Variants in RBM10 observed in about 807,000 individuals in gnomAD.
RBM10 encodes the protein RNA binding motif protein 10.
A neutral mutation model predicts 84.9 loss-of-function variants in RBM10; 1 was observed. That is an observed-to-expected ratio of 0.01 (90% confidence interval 0.00 to 0.06). RBM10 has a LOEUF of 0.06. RBM10 is among the 10% of genes least tolerant of loss of function. RBM10 has a pLI of 1.00. For synonymous variants in RBM10, 326 were observed against 344.5 expected, an observed-to-expected ratio of 0.95 and a Z score of 0.60; for missense variants, 438 against 839.0, an observed-to-expected ratio of 0.52 and a Z score of 5.90.
chrX:47,176,483 T>G lies in RBM10; in HGVS notation c.577-17T>G, dbSNP rs2147155864. 1 of 1,211,247 alleles carries G rather than the reference T, an allele frequency of 8.3e-7. No homozygotes were observed. The highest frequency in any genetic ancestry group is 1.7e-5 in the African/African-American group (1 of 57,711). On this transcript the variant is annotated splice_polypyrimidine_tract_variant and intron_variant, in intron 6 of 23. Transcript: ENST00000377604. The stretch of plus-strand genomic sequence containing the variant: ...CACTGCTGCCTGGACCTCACTGTGC[T>G]CTGCTTTTTCCCGCAGCACTCCCTC...
At position 47,145,464 on chromosome X, in the gene RBM10, C is replaced by T. The variant is rs1932028305; in HGVS notation, c.-147C>T. ...CAGAGGTGATGTCTGGGAGCCCTTC[C>T]TTGACAGCCCGGGCCGAGAAGGTGA... On this transcript the variant is annotated 5_prime_UTR_variant, in exon 1 of 24. Coordinates refer to ENST00000377604, the MANE Select transcript of RBM10 (RefSeq NM_005676.5). 2 of 1,153,850 alleles carry T rather than the reference C, an allele frequency of 1.7e-6. No individual in the cohort carries two copies. The highest frequency in any genetic ancestry group is 2.3e-6 in the Non-Finnish European group (2 of 872,193).
At chrX:47,157,781 T>A in intron 2 of RBM10, 1 of 84,562 alleles carries the variant, frequency 1.2e-5, no homozygotes. Context: ...GCTGCATGAC[T>A]TTTTTTTTTT....
In RBM10 at chrX:47,147,518, C is replaced by T; in HGVS notation, c.17+20C>T. ...AAGACGGTGAGTTATCTGTTCTCAG[C>T]TTCCCAGACAGCCTAGGCTTGCGTC... On this transcript the variant is annotated intron_variant, in intron 2 of 23. Transcript: ENST00000377604. The T allele has an allele frequency of 8.3e-7, 1 of 1,209,444 alleles. No homozygotes were observed. Among genetic ancestry groups the T allele is most frequent in the Non-Finnish European group, 1.1e-6 (1 of 893,237 alleles).
chrX:47,163,284 G>A (rs1602530708), intron 2 of RBM10, among the ~76,000 whole-genome samples: 1 of 111,321 alleles, frequency 9.0e-6, no homozygotes, highest in African/African-American at 3.3e-5. Flanking sequence ...ATCAGAAAAA[G>A]GATATTAACG....
chrX:47,181,480 T>C, intron 13 of RBM10, 27 bp from the exon 14 acceptor site: 6 of 1,211,231 alleles, frequency 5.0e-6, no homozygotes, highest in Non-Finnish European at 6.7e-6. Context: ...TTCACAGGCA[T>C]TGTCCCTGCC....
rs1935551079 is a variant in RBM10 at position 47,181,656 on chromosome X, C to A, written c.1575+10C>A. 1 of 1,206,686 alleles carries A rather than the reference C, an allele frequency of 8.3e-7. No individual in the cohort carries two copies. The highest frequency in any genetic ancestry group is 1.8e-5 in the South Asian group (1 of 56,525). On this transcript the variant is annotated intron_variant, in intron 14 of 23. Coordinates refer to ENST00000377604, the MANE Select transcript of RBM10 (RefSeq NM_005676.5). Reference sequence around the variant, plus strand: ...TGCTGCCAACAGCCAGGTGAGTGAGCCCTGTGGGTATGTATCCCGGGGAGG... The same window carrying A: ...TGCTGCCAACAGCCAGGTGAGTGAGACCTGTGGGTATGTATCCCGGGGAGG...
intron 2 of RBM10, among the ~76,000 whole-genome samples, chrX:47,165,897 A>G (rs1292373264): frequency 2.8e-5 from 3 of 108,946 alleles, no homozygotes; most frequent in Non-Finnish European, 5.7e-5. Flanking sequence ...GCGTGCATCT[A>G]TAGTCCTAAC....
At chrX:47,172,802 C>T (rs1691331942) in intron 4 of RBM10, among the ~76,000 whole-genome samples, 1 of 112,433 alleles carries the variant, frequency 8.9e-6, no homozygotes, top group Non-Finnish European at 1.9e-5. Flanking sequence ...TTTGTCAGAT[C>T]ACCCTGCCCA....
At chrX:47,145,531 G>A in intron 1 of RBM10, 46 bp downstream of exon 1, 1 of 1,144,100 alleles carries the variant, frequency 8.7e-7, no homozygotes, top group Non-Finnish European at 1.2e-6. Context: ...GGGGCCCGGG[G>A]CGGGGACGTA....
chrX:47,155,084 T>C (rs1442938251), intron 2 of RBM10, among the ~76,000 whole-genome samples: 2 of 101,490 alleles, frequency 2.0e-5, no homozygotes, highest in African/African-American at 7.3e-5. Flanking sequence ...GAGGTGGAAG[T>C]TGCAGTGAGC....
intron 7 of RBM10, 54 bp from the exon 8 acceptor site, chrX:47,179,049 A>T (rs2147163687): frequency 8.4e-7 from 1 of 1,186,864 alleles, no homozygotes; most frequent in Non-Finnish European, 1.1e-6. Context: ...CCAAGTTTGG[A>T]GGGTGCAGTG....
At chrX:47,178,574 T>G in intron 7 of RBM10, among the ~76,000 whole-genome samples, 1 of 111,664 alleles carries the variant, frequency 9.0e-6, no homozygotes, top group East Asian at 2.8e-4. Context: ...AGTACCTGAG[T>G]CTGGAACAGA....
intron 3 of RBM10, among the ~76,000 whole-genome samples, chrX:47,170,740 T>TGCCC (rs1556772303): frequency 2.7e-5 from 3 of 111,928 alleles, no homozygotes; most frequent in Non-Finnish European, 5.7e-5. Context: ...CCAAGGAGGT[T>TGCCC]TAAGCTGTGT....
At chrX:47,157,441 C>A in intron 2 of RBM10, 1 of 362,484 alleles carries the variant, frequency 2.8e-6, no homozygotes, top group East Asian at 5.7e-5. Flanking sequence ...AACAGGAAAG[C>A]CAGGCTGTTC....
chrX:47,153,748 A>G (rs116431323), intron 2 of RBM10, among the ~76,000 whole-genome samples: 1,745 of 111,677 alleles, frequency 0.016, 34 homozygotes, highest in African/African-American at 0.054. Context: ...AGAAACTTGT[A>G]TAAGAATTAT....
intron 13 of RBM10, 27 bp downstream of exon 13, chrX:47,181,428 C>T (rs2147186798): frequency 8.3e-7 from 1 of 1,208,055 alleles, no homozygotes; most frequent in South Asian, 1.8e-5. Context: ...CTCTCTGCAG[C>T]TGTGGTGGGG....
chrX:47,161,520 T>G (rs1933683129), intron 2 of RBM10, among the ~76,000 whole-genome samples: 1 of 61,154 alleles, frequency 1.6e-5, no homozygotes, highest in Non-Finnish European at 3.1e-5. Flanking sequence ...TTAGTTTTTT[T>G]TTTTTTTTTT....
chrX:47,151,573 A>C (rs1211979980), intron 2 of RBM10, among the ~76,000 whole-genome samples: 1 of 111,943 alleles, frequency 8.9e-6, no homozygotes, highest in South Asian at 3.6e-4. Flanking sequence ...ACACAAATTA[A>C]GATTTACTTT....
At chrX:47,181,438 G>T in intron 13 of RBM10, 37 bp downstream of exon 13, 1 of 1,207,698 alleles carries the variant, frequency 8.3e-7, no homozygotes. Context: ...CTGTGGTGGG[G>T]GCCAGCAGGC....
Sources: gnomAD v4.1 joint callset for allele counts (sites outside exome capture counted in the v4.1 genomes callset) on GRCh38, gnomAD v4.1.1 for gene constraint, MANE v1.5 for transcripts, NCBI Gene and HGNC (gene_info 2026-07-23, HGNC 2026-07-21) for gene names.